Variants in RTL10 observed in about 807,000 individuals in gnomAD.
RTL10 encodes the protein protein Bop.
For missense variants in RTL10, 477 were observed against 470.7 expected, an observed-to-expected ratio of 1.01 and a Z score of -0.12; for synonymous variants, 199 against 188.4, an observed-to-expected ratio of 1.06 and a Z score of -0.46.
In RTL10 at chr22:19,852,060, C is replaced by T; in HGVS notation, c.202G>A (p.Ala68Thr). ...VRTTMEQKST[A>T]SGTCGGKPAE... is the part of the protein sequence containing the mutation. Reference sequence around the variant, plus strand: ...GGTTTACCGCCACAAGTGCCACTAGCTGTGCTCTTCTGCTCCATGGTCGTT... The same window carrying T: ...GGTTTACCGCCACAAGTGCCACTAGTTGTGCTCTTCTGCTCCATGGTCGTT... The change falls in exon 3 of 3, where the codon GCT becomes ACT. Residue 68 changes from alanine to threonine, a missense_variant. Coordinates refer to ENST00000328554, the MANE Select transcript of RTL10 (RefSeq NM_024627.6). 1 of 1,614,264 alleles carries T rather than the reference C, an allele frequency of 6.2e-7. No homozygotes were observed. Among genetic ancestry groups the T allele is most frequent in the Non-Finnish European group, 8.5e-7 (1 of 1,180,048 alleles).
chr22:19,848,844 A>G lies in RTL10; in HGVS notation c.*2323T>C, dbSNP rs1279134585. On this transcript the variant is annotated 3_prime_UTR_variant, in exon 3 of 3. Coordinates refer to ENST00000328554, the MANE Select transcript of RTL10 (RefSeq NM_024627.6). ...AGGCTGGAGTATCCACTTCAGGTCC[A>G]CTAAAGGGAGATGGGGAAGGTGGCC... 1 of 985,344 alleles carries G rather than the reference A, an allele frequency of 1.0e-6. No homozygotes were observed. Among genetic ancestry groups the G allele is most frequent in the East Asian group, 1.1e-4 (1 of 8,830 alleles). 61.0% of individuals were successfully genotyped at this position (985,344 alleles called of 1,614,324 possible). A position where few individuals can be genotyped will look rare whatever the true frequency, so the allele number is the denominator to read the frequency against.
At chr22:19,854,167 T>G (rs1938179143) in intron 2 of RTL10, among the ~76,000 whole-genome samples, 1 of 152,202 alleles carries the variant, frequency 6.6e-6, no homozygotes, top group African/African-American at 2.4e-5. Flanking sequence ...CCACACTGCC[T>G]GGCATAGAAG....
rs1938105826 is a variant in RTL10, at chr22:19,851,746, G to A, written c.516C>T (p.Cys172=). ...LPLPDDYELF[C]QDLKEVVQDP... is the part of the protein sequence containing the mutation. The stretch of plus-strand genomic sequence containing the variant: ...CTTGAACAACTTCCTTGAGATCCTG[G>A]CAGAAGAGCTCGTAATCGTCAGGCA... The change falls in exon 3 of 3, where the codon TGC becomes TGT. Residue 172 remains cysteine, a synonymous_variant. Coordinates refer to ENST00000328554, the MANE Select transcript of RTL10 (RefSeq NM_024627.6). 5.6e-6 allele frequency: 9 copies of A among 1,609,264 alleles called. No individual in the cohort carries two copies. The highest frequency in any genetic ancestry group is 7.7e-6 in the Non-Finnish European group (9 of 1,176,388).
In RTL10 at chr22:19,854,704, G is replaced by T. The variant is rs73877367; in HGVS notation, c.-367C>A. 2,847 of 152,614 alleles carry T rather than the reference G, an allele frequency of 0.019. 60 individuals are homozygous for T. Among genetic ancestry groups the T allele is most frequent in the South Asian group, 0.079 (384 of 4,832 alleles). The allele number at this position is 152,614 out of a possible 1,614,324, so 9.5% of individuals were successfully genotyped here. On this transcript the variant is annotated 5_prime_UTR_variant, in exon 1 of 3. Coordinates refer to ENST00000328554, the MANE Select transcript of RTL10 (RefSeq NM_024627.6). ...GACCGAAGGCACTGCGACCCAGGCTGGGGCTCCGAGTGCCCCTCTGCGGAT... is the reference window on the plus strand; with the variant it reads ...GACCGAAGGCACTGCGACCCAGGCTTGGGCTCCGAGTGCCCCTCTGCGGAT...
Position 19,851,768 on chromosome 22 carries a change from G to C in RTL10, c.494C>G (p.Pro165Arg), listed in dbSNP as rs770358573. ...APYLDGDLPL[P>R]DDYELFCQDL... ...CTGGCAGAAGAGCTCGTAATCGTCA[G>C]GCAGGGGCAGGTCCCCATCAAGGTA... Residue 165 changes from proline (P) to arginine (R), a missense_variant, in exon 3 of 3, where the codon CCT (proline) becomes CGT (arginine). Coordinates refer to ENST00000328554, the MANE Select transcript of RTL10 (RefSeq NM_024627.6). The C allele has an allele frequency of 1.9e-6, 3 of 1,612,580 alleles. No homozygotes were observed. The highest frequency in any genetic ancestry group is 2.5e-6 in the Non-Finnish European group (3 of 1,178,894).
chr22:19,849,823 C>G lies in RTL10; in HGVS notation c.*1344G>C, dbSNP rs1468953337. ...GTAAACCTGAAAGGGACTTGAACTT[C>G]TTGTCCAAGCACCAGAGTGGGCACA... On this transcript the variant is annotated 3_prime_UTR_variant, in exon 3 of 3. Coordinates refer to ENST00000328554, the MANE Select transcript of RTL10 (RefSeq NM_024627.6). The G allele has an allele frequency of 2.0e-6, 2 of 985,300 alleles. No individual in the cohort carries two copies. The highest frequency in any genetic ancestry group is 2.4e-6 in the Non-Finnish European group (2 of 829,930). The allele number at this position is 985,300 out of a possible 1,614,324, so 61.0% of individuals were successfully genotyped here. A position where few individuals can be genotyped will look rare whatever the true frequency, so the allele number is the denominator to read the frequency against.
chr22:19,847,803 GCAAAA>G lies in RTL10; in HGVS notation c.*3359_*3363del, dbSNP rs1005514045. 4.5e-5 allele frequency: 20 copies of G among 440,432 alleles called. No homozygotes were observed. In the African/African-American group the frequency reaches 6.8e-4, roughly 15 times the overall value. 27.3% of individuals were successfully genotyped at this position (440,432 alleles called of 1,614,324 possible). ...AACTTTTAAAATCCTGGAATCATAG[GCAAAA>G]AAAAAAAAAAAAAAAAATTCACCCA... On this transcript the variant is annotated 3_prime_UTR_variant, in exon 3 of 3. Transcript: ENST00000328554.
chr22:19,852,328 G>A lies in RTL10; in HGVS notation c.-67C>T. ...GGGTGGTGGGGGTGTGGACAGATGT[G>A]GCTTGCACGACACAACAGGACAGGG... On this transcript the variant is annotated 5_prime_UTR_variant, in exon 3 of 3. Coordinates refer to ENST00000328554, the MANE Select transcript of RTL10 (RefSeq NM_024627.6). The A allele has an allele frequency of 2.0e-6, 3 of 1,513,426 alleles. No homozygotes were observed. The African/African-American group carries it at 4.1e-5, about 21-fold the overall frequency. 93.7% of individuals were successfully genotyped at this position (1,513,426 alleles called of 1,614,324 possible).
Position 19,846,629 on chromosome 22 carries a change from A to T in RTL10, c.*4538T>A. ...TTATGTTCAAGTCCTAACCCCTAGT[A>T]CTTACATTTGAAGACAGGGTCTTTA... On this transcript the variant is annotated 3_prime_UTR_variant, in exon 3 of 3. Coordinates refer to ENST00000328554, the MANE Select transcript of RTL10 (RefSeq NM_024627.6). The T allele has an allele frequency of 2.3e-6, 2 of 886,008 alleles. No individual in the cohort carries two copies. The highest frequency in any genetic ancestry group is 2.7e-6 in the Non-Finnish European group (2 of 739,158). 54.9% of individuals were successfully genotyped at this position (886,008 alleles called of 1,614,324 possible). A position where few individuals can be genotyped will look rare whatever the true frequency, so the allele number is the denominator to read the frequency against.
At chr22:19,852,561 C>T in intron 2 of RTL10, 75 bp from the exon 3 acceptor site, 2 of 372,608 alleles carry the variant, frequency 5.4e-6, no homozygotes, top group Non-Finnish European at 9.7e-6. Flanking sequence ...GAAGAGGCTA[C>T]AAGCGGGCAA....
chr22:19,849,332 A>C lies in RTL10; in HGVS notation c.*1835T>G. On this transcript the variant is annotated 3_prime_UTR_variant, in exon 3 of 3. Transcript: ENST00000328554. ...TGATAGTTACCATAAAATAATCCCA[A>C]CAATTTATATTTTTCTAAATAAGGT... The C allele has an allele frequency of 1.0e-6, 1 of 967,854 alleles. No individual in the cohort carries two copies. Among genetic ancestry groups the C allele is most frequent in the Non-Finnish European group, 1.2e-6 (1 of 814,392 alleles). 60.0% of individuals were successfully genotyped at this position (967,854 alleles called of 1,614,324 possible).
chr22:19,851,084 G>C lies in RTL10; in HGVS notation c.*83C>G. 6.7e-7 allele frequency: 1 copy of C among 1,482,968 alleles called. No individual in the cohort carries two copies. The highest frequency in any genetic ancestry group is 9.0e-7 in the Non-Finnish European group (1 of 1,115,090). 91.9% of individuals were successfully genotyped at this position (1,482,968 alleles called of 1,614,324 possible). ...TGAAGTCATCTGGGGACACCACTCT[G>C]CTCTGACTGGGGACTATGGGGCGCT... On this transcript the variant is annotated 3_prime_UTR_variant, in exon 3 of 3. Transcript: ENST00000328554.
intron 2 of RTL10, 120 bp from the exon 3 acceptor site, chr22:19,852,606 G>GA: frequency 3.6e-6 from 1 of 276,116 alleles, no homozygotes; most frequent in Non-Finnish European, 6.8e-6. Context: ...TTGAATGGAA[G>GA]GAGGGGCCCA....
At position 19,851,204 on chromosome 22, in the gene RTL10, T is replaced by C. The variant is rs1569057942; in HGVS notation, c.1058A>G (p.Glu353Gly). The change falls in exon 3 of 3, where the codon GAG (glutamate) becomes GGG (glycine). Residue 353 changes from glutamate (E) to glycine (G), a missense_variant. Transcript: ENST00000328554. ...GTPQEVVEAP[E>G]TPGEPPLSPG... ...AGAAAGTGGTGGCTCTCCTGGGGTC[T>C]CCGGGGCCTCCACCACCTCCTGTGG... 1 of 1,592,930 alleles carries C rather than the reference T, an allele frequency of 6.3e-7. No individual in the cohort carries two copies. Among genetic ancestry groups the C allele is most frequent in the African/African-American group, 1.3e-5 (1 of 74,592 alleles).
rs775725263 is a variant in RTL10 at position 19,851,296 on chromosome 22, T to C, written c.966A>G (p.Pro322=). 3.1e-6 allele frequency: 5 copies of C among 1,613,944 alleles called. No homozygotes were observed. In the South Asian group the frequency reaches 5.5e-5, roughly 18 times the overall value. Residue 322 remains proline (P), a synonymous_variant, in exon 3 of 3, where the codon CCA becomes CCG. Coordinates refer to ENST00000328554, the MANE Select transcript of RTL10 (RefSeq NM_024627.6). ...QRPDPAHPGG[P]KPQKTEEEVL... ...CCTCCTCCTCTGTTTTCTGGGGTTT[T>C]GGACCTCCTGGATGAGCTGGGTCTG...
In RTL10 at chr22:19,848,012, T is replaced by C. The variant is rs1333327311; in HGVS notation, c.*3155A>G. 5 of 985,198 alleles carry C rather than the reference T, an allele frequency of 5.1e-6. No homozygotes were observed. Among genetic ancestry groups the C allele is most frequent in the Non-Finnish European group, 6.0e-6 (5 of 829,714 alleles). 61.0% of individuals were successfully genotyped at this position (985,198 alleles called of 1,614,324 possible). ...ACCTCTAGCCTGTACTAAATTTCCA[T>C]ATTTATTTGGCCCGTTTCAAAGTCC... On this transcript the variant is annotated 3_prime_UTR_variant, in exon 3 of 3. Transcript: ENST00000328554.
chr22:19,848,132 T>C lies in RTL10; in HGVS notation c.*3035A>G. The C allele has an allele frequency of 1.0e-6, 1 of 984,616 alleles. No homozygotes were observed. Among genetic ancestry groups the C allele is most frequent in the Non-Finnish European group, 1.2e-6 (1 of 829,730 alleles). The allele number at this position is 984,616 out of a possible 1,614,324, so 61.0% of individuals were successfully genotyped here. ...CCCATAGGACCTTATCCTTAGTACT[T>C]CCTATTTTAAAGTTTTCCTTGCAGA... On this transcript the variant is annotated 3_prime_UTR_variant, in exon 3 of 3. Coordinates refer to ENST00000328554, the MANE Select transcript of RTL10 (RefSeq NM_024627.6).
rs1241921198 is a variant in RTL10 at position 19,851,949 on chromosome 22, C to T, written c.313G>A (p.Gly105Ser). 15 of 1,614,134 alleles carry T rather than the reference C, an allele frequency of 9.3e-6. No homozygotes were observed. In the South Asian group the frequency reaches 1.3e-4, roughly 14 times the overall value. The change falls in exon 3 of 3, where the codon GGC becomes AGC. Residue 105 changes from glycine to serine, a missense_variant. Physicochemically the swap from Gly to Ser is moderately conservative, Grantham distance 56. Coordinates refer to ENST00000328554, the MANE Select transcript of RTL10 (RefSeq NM_024627.6). ...AGCCACGGGGAGCCATCAAAGGTGC[C>T]TGGGTCTGAGCCTGGTACCCAGCAG... ...DFCWVPGSDP[G>S]TFDGSPWLLD...
chr22:19,850,556 G>A lies in RTL10; in HGVS notation c.*611C>T. The stretch of plus-strand genomic sequence containing the variant: ...CACCTTCCTGCATCCAAACCTTCCA[G>A]CTGCCCAGAACTGCTGGTAATCCCA... On this transcript the variant is annotated 3_prime_UTR_variant, in exon 3 of 3. Coordinates refer to ENST00000328554, the MANE Select transcript of RTL10 (RefSeq NM_024627.6). 1 of 1,115,270 alleles carries A rather than the reference G, an allele frequency of 9.0e-7. No homozygotes were observed. Among genetic ancestry groups the A allele is most frequent in the Non-Finnish European group, 1.1e-6 (1 of 913,724 alleles). 69.1% of individuals were successfully genotyped at this position (1,115,270 alleles called of 1,614,324 possible).
Sources: gnomAD v4.1 joint callset for allele counts (sites outside exome capture counted in the v4.1 genomes callset) on GRCh38, gnomAD v4.1.1 for gene constraint, MANE v1.5 for transcripts, NCBI Gene and HGNC (gene_info 2026-07-23, HGNC 2026-07-21) for gene names.